The following CCDC102B variants were observed in gnomAD, a reference collection of about 807,000 sequenced individuals.
CCDC102B encodes the protein coiled-coil domain-containing protein 102B.
In CCDC102B, 75 loss-of-function variants were observed where a neutral mutation model predicts 57.4. That is an observed-to-expected ratio of 1.31 (90% confidence interval 1.08 to 1.58). The LOEUF (loss-of-function observed/expected upper bound fraction) is 1.58. CCDC102B is among the 40% of genes most tolerant of loss of function. CCDC102B has a pLI of 0.00. For synonymous variants in CCDC102B, 206 were observed against 201.9 expected, an observed-to-expected ratio of 1.02 and a Z score of -0.17; for missense variants, 636 against 582.6, an observed-to-expected ratio of 1.09 and a Z score of -0.94.
At chr18:68,796,708 G>C (rs902548641), upstream of CCDC102B, among the ~76,000 whole-genome samples, 13 of 152,048 alleles carry the variant, frequency 8.5e-5, no homozygotes, top group Non-Finnish European at 1.9e-4. Context: ...AAAACCAGGA[G>C]AGTGTTATGC....
intron 6 of CCDC102B, among the ~76,000 whole-genome samples, chr18:68,905,157 A>T (rs1228905144): frequency 6.6e-6 from 1 of 151,272 alleles, no homozygotes; most frequent in African/African-American, 2.4e-5. Flanking sequence ...ATGTTAACCC[A>T]TATCCAATTA....
chr18:68,957,648 G>A (rs2049938016), intron 6 of CCDC102B, among the ~76,000 whole-genome samples: 1 of 148,258 alleles, frequency 6.7e-6, no homozygotes, highest in African/African-American at 2.5e-5. Context: ...ATATTTGTGT[G>A]GATAATATCA....
At chr18:68,950,284 C>T (rs1455148670) in intron 6 of CCDC102B, among the ~76,000 whole-genome samples, 1 of 151,998 alleles carries the variant, frequency 6.6e-6, no homozygotes, top group Non-Finnish European at 1.5e-5. Flanking sequence ...TATGTGTAGA[C>T]AGTAGTATAT....
intron 6 of CCDC102B, among the ~76,000 whole-genome samples, chr18:68,937,168 C>T (rs958649515): frequency 1.3e-5 from 2 of 152,052 alleles, no homozygotes; most frequent in Non-Finnish European, 2.9e-5. Context: ...TGACCTAACA[C>T]ATGTGTTTTC....
At chr18:68,753,470 A>G (rs2033938534) in intron 2 of CCDC102B, 1 of 152,188 alleles carries the variant, frequency 6.6e-6, no homozygotes, top group South Asian at 2.1e-4. Flanking sequence ...ACTTCCACTC[A>G]TATGAACACA....
chr18:68,887,959 G>C (rs1030441869), intron 5 of CCDC102B, among the ~76,000 whole-genome samples: 1 of 152,124 alleles, frequency 6.6e-6, no homozygotes, highest in African/African-American at 2.4e-5. Flanking sequence ...TACTTATGTA[G>C]CACTCAGAGA....
At chr18:68,841,941 A>G (rs1159551364) in intron 3 of CCDC102B, among the ~76,000 whole-genome samples, 4 of 151,570 alleles carry the variant, frequency 2.6e-5, no homozygotes, top group African/African-American at 9.7e-5. Flanking sequence ...GTTTTGCCAT[A>G]TTGCCCAGGC....
At chr18:68,951,308 T>C (rs934806525) in intron 6 of CCDC102B, among the ~76,000 whole-genome samples, 1 of 152,138 alleles carries the variant, frequency 6.6e-6, no homozygotes, top group East Asian at 1.9e-4. Flanking sequence ...TCCGAGTCCA[T>C]CTCAAGAAAT....
chr18:68,854,866 A>T (rs950103432), intron 4 of CCDC102B, among the ~76,000 whole-genome samples: 1 of 152,106 alleles, frequency 6.6e-6, no homozygotes, highest in African/African-American at 2.4e-5. Context: ...TATTGCTCTC[A>T]CTTTTGTTTT....
chr18:68,944,663 G>A (rs2049481482), intron 6 of CCDC102B, among the ~76,000 whole-genome samples: 1 of 151,582 alleles, frequency 6.6e-6, no homozygotes, highest in Non-Finnish European at 1.5e-5. Flanking sequence ...TATAGATTTT[G>A]GCAGGACACA....
At chr18:68,970,113 A>T (rs1428031644) in intron 6 of CCDC102B, among the ~76,000 whole-genome samples, 1 of 152,100 alleles carries the variant, frequency 6.6e-6, no homozygotes, top group Non-Finnish European at 1.5e-5. Context: ...CATAAAATAT[A>T]TTAGCAAAGT....
intron 5 of CCDC102B, among the ~76,000 whole-genome samples, chr18:68,880,860 A>G (rs775132031): frequency 6.6e-5 from 10 of 152,224 alleles, no homozygotes; most frequent in Non-Finnish European, 1.5e-4. Context: ...GTGATTTACC[A>G]TATTGGTTTT....
chr18:68,820,874 G>A (rs1471662606), intron 1 of CCDC102B, among the ~76,000 whole-genome samples: 1 of 152,082 alleles, frequency 6.6e-6, no homozygotes, highest in Non-Finnish European at 1.5e-5. Flanking sequence ...GGACCAAACT[G>A]TACTAAAAAT....
intron 2 of CCDC102B, among the ~76,000 whole-genome samples, chr18:68,779,131 C>T (rs1025910094): frequency 6.6e-6 from 1 of 151,944 alleles, no homozygotes; most frequent in African/African-American, 2.4e-5. Context: ...CCTCATCTCC[C>T]AGTAGCTTGA....
upstream of CCDC102B, among the ~76,000 whole-genome samples, chr18:68,797,777 G>A (rs1447387901): frequency 3.3e-5 from 2 of 60,280 alleles, no homozygotes; most frequent in African/African-American, 1.1e-4. Flanking sequence ...TTTTTGCTTT[G>A]CTATTTTAGT....
chr18:68,819,872 G>T (rs1270964117), intron 1 of CCDC102B, among the ~76,000 whole-genome samples: 1 of 151,960 alleles, frequency 6.6e-6, no homozygotes, highest in East Asian at 1.9e-4. Context: ...GATATTTGAT[G>T]TCTAAATATT....
intron 6 of CCDC102B, among the ~76,000 whole-genome samples, chr18:68,978,683 A>G (rs936959428): frequency 5.3e-5 from 8 of 152,076 alleles, no homozygotes; most frequent in Non-Finnish European, 1.2e-4. Context: ...ACAAATATTT[A>G]TACAATAAAA....
intron 6 of CCDC102B, among the ~76,000 whole-genome samples, chr18:68,910,446 A>G (rs752187288): frequency 2.7e-4 from 41 of 152,322 alleles, no homozygotes; most frequent in Middle Eastern, 3.4e-3. Flanking sequence ...CATCATGGTA[A>G]GAAGGCATTT....
chr18:68,752,075 C>T (rs1000907518), intron 2 of CCDC102B, among the ~76,000 whole-genome samples: 1 of 152,078 alleles, frequency 6.6e-6, no homozygotes, highest in African/African-American at 2.4e-5. Flanking sequence ...GCCTGACCAA[C>T]ATGATGAAAC....
Sources: allele counts gnomAD v4.1 joint callset (sites outside exome capture counted in the v4.1 genomes callset), GRCh38; gene constraint gnomAD v4.1.1; transcripts MANE v1.5; gene names NCBI Gene and HGNC (gene_info 2026-07-23, HGNC 2026-07-21).